AXIN1: variants seen among roughly 807,000 people sequenced by gnomAD.
AXIN1 encodes the protein axin-1.
AXIN1 carries 30 observed loss-of-function variants against 76.4 expected under a neutral mutation model. The ratio of observed to expected loss-of-function variants is 0.39; its 90% CI spans 0.29 to 0.53. The LOEUF is 0.53. Among genes scored for constraint, AXIN1 ranks in the 20% least tolerant of loss-of-function variants. The pLI, the probability that AXIN1 is intolerant of heterozygous loss-of-function variation, is 0.66. For missense variants in AXIN1, 1,140 were observed against 1,198.8 expected (o/e 0.95, Z 0.72); for synonymous variants, 545 against 501.4 (o/e 1.09, Z -1.16).
At position 347,056 on chromosome 16, in the gene AXIN1, G is replaced by A. The variant is rs2054049094; in HGVS notation, c.-31C>T. ...GACTCTGCGTCAAGGAACAATGAGC[G>A]CTGCACCCTAATACATCAGTACTTA... On this transcript the variant is annotated 5_prime_UTR_variant, in exon 2 of 11. Coordinates refer to ENST00000262320, the MANE Select transcript of AXIN1 (RefSeq NM_003502.4). The A allele has an allele frequency of 2.5e-6, 4 of 1,613,578 alleles. No individual in the cohort carries two copies. Among genetic ancestry groups the A allele is most frequent in the Non-Finnish European group, 1.7e-6 (2 of 1,180,024 alleles).
At chr16:304,167 G>C in intron 5 of AXIN1, 137 bp downstream of exon 5, 2 of 1,424,658 alleles carry the variant, frequency 1.4e-6, no homozygotes, top group Non-Finnish European at 1.9e-6. Flanking sequence ...GGGAACAGGG[G>C]ACTCAGCCGG....
chr16:291,856 G>A lies in AXIN1; in HGVS notation c.2187-559C>T, dbSNP rs138528883. On this transcript the variant is annotated intron_variant, in intron 8 of 10. Coordinates refer to ENST00000262320, the MANE Select transcript of AXIN1 (RefSeq NM_003502.4). ...TACTCTGACATCCTGACAGGGCCCA[G>A]CACCCAACCTGCCTCTGGGCCTTCA... 100 of 177,570 alleles carry A rather than the reference G, an allele frequency of 5.6e-4. 2 individuals are homozygous for A. The East Asian group carries it at 0.014, about 26-fold the overall frequency. 11.0% of individuals were successfully genotyped at this position (177,570 alleles called of 1,614,324 possible). A position where few individuals can be genotyped will look rare whatever the true frequency, so the allele number is the denominator to read the frequency against.
chr16:340,461 C>T (rs1223469624), intron 2 of AXIN1, among the ~76,000 whole-genome samples: 1 of 152,238 alleles, frequency 6.6e-6, no homozygotes, highest in Non-Finnish European at 1.5e-5. Context: ...CTGGCAGGGG[C>T]ATGCAAGGCC....
At chr16:302,760 G>A (rs1024356398) in intron 5 of AXIN1, among the ~76,000 whole-genome samples, 1 of 152,226 alleles carries the variant, frequency 6.6e-6, no homozygotes, top group East Asian at 1.9e-4. Flanking sequence ...GAAACGCTCA[G>A]AAGTGTATAC....
rs1214469034 is a variant in AXIN1 at position 326,366 on chromosome 16, AAAAAAAAT to A, written c.879-11691_879-11684del. ...CAAAACTCCGTCTCAAAAAAAAAAA[AAAAAAAAT>A]ATATATATATATATATATATACACA... On this transcript the variant is annotated intron_variant, in intron 2 of 10. Transcript: ENST00000262320. Among the ~76,000 whole-genome samples, 320 of 92,620 alleles carry A rather than the reference AAAAAAAAT, an allele frequency of 3.5e-3. 1 individual carries two copies. The highest frequency in any genetic ancestry group is 0.018 in the African/African-American group (302 of 17,192). The allele number at this position is 92,620 out of a possible 152,430, so 60.8% of individuals were successfully genotyped here.
intron 1 of AXIN1, among the ~76,000 whole-genome samples, chr16:349,692 GAA>G (rs1465139915): frequency 1.3e-5 from 2 of 152,222 alleles, no homozygotes; most frequent in African/African-American, 4.8e-5. Flanking sequence ...ATGTAAAAAA[GAA>G]AAGACATTTG....
intron 2 of AXIN1, among the ~76,000 whole-genome samples, chr16:323,791 C>A (rs985032194): frequency 1.3e-5 from 2 of 151,794 alleles, no homozygotes; most frequent in Non-Finnish European, 2.9e-5. Flanking sequence ...CACACACACA[C>A]ACACACACAC....
chr16:289,651 G>A (rs2141469590), intron 9 of AXIN1, 44 bp from the exon 10 acceptor site: 1 of 1,607,122 alleles, frequency 6.2e-7, no homozygotes, highest in Non-Finnish European at 8.5e-7. Flanking sequence ...TTGGACTGAG[G>A]TCCCACAGGG....
At chr16:345,490 A>C (rs1375490708) in intron 2 of AXIN1, among the ~76,000 whole-genome samples, 1 of 152,232 alleles carries the variant, frequency 6.6e-6, no homozygotes, top group East Asian at 1.9e-4. Flanking sequence ...CGAGGCAGGC[A>C]GATCACCTGA....
rs770999059 is a variant in AXIN1 at position 346,575 on chromosome 16, C to T, written c.451G>A (p.Asp151Asn). ...ARAIYRKYIL[D>N]NNGIVSRQTK... Reference sequence around the variant, plus strand: ...TGCCGGGACACGATGCCATTGTTATCAAGAATGTACTTTCGGTAGATGGCT... The same window carrying T: ...TGCCGGGACACGATGCCATTGTTATTAAGAATGTACTTTCGGTAGATGGCT... The change falls in exon 2 of 11, where the codon GAT becomes AAT. Residue 151 changes from aspartate (D) to asparagine (N), a missense_variant. Asp to Asn is a conservative substitution (Grantham distance 23). Transcript: ENST00000262320. The T allele has an allele frequency of 1.7e-5, 28 of 1,611,720 alleles. No individual in the cohort carries two copies. The highest frequency in any genetic ancestry group is 2.1e-5 in the Non-Finnish European group (25 of 1,178,410).
intron 2 of AXIN1, among the ~76,000 whole-genome samples, chr16:331,922 T>G (rs2053698216): frequency 6.6e-6 from 1 of 152,200 alleles, no homozygotes; most frequent in Non-Finnish European, 1.5e-5. Context: ...TCAAAAGCGC[T>G]GTTTCCAGGC....
intron 2 of AXIN1, among the ~76,000 whole-genome samples, chr16:334,346 G>A (rs1439037363): frequency 3.6e-5 from 5 of 140,476 alleles, no homozygotes; most frequent in South Asian, 4.7e-4. Context: ...ACAGCACCCA[G>A]TACCACAACA....
chr16:339,096 G>C (rs1230125201), intron 2 of AXIN1, among the ~76,000 whole-genome samples: 2 of 151,122 alleles, frequency 1.3e-5, no homozygotes, highest in African/African-American at 4.9e-5. Flanking sequence ...TTTCCCTTTG[G>C]GCAGGGTGTG....
At position 346,624 on chromosome 16, in the gene AXIN1, C is replaced by T; in HGVS notation, c.402G>A (p.Glu134=). 6.3e-7 allele frequency: 1 copy of T among 1,591,636 alleles called. No homozygotes were observed. Among genetic ancestry groups the T allele is most frequent in the East Asian group, 2.2e-5 (1 of 44,626 alleles). The change falls in exon 2 of 11, where the codon GAG becomes GAA. Residue 134 remains glutamate, a synonymous_variant. Transcript: ENST00000262320. ...FRKLEPCDSN[E]EKRLKLARAI... Reference sequence around the variant, plus strand: ...CTCTCGCCAGCTTCAGCCTCTTCTCCTCGTTCGAGTCACAGGGCTCCAGCT... The same window carrying T: ...CTCTCGCCAGCTTCAGCCTCTTCTCTTCGTTCGAGTCACAGGGCTCCAGCT...
chr16:351,574 C>G (rs1363371789), intron 1 of AXIN1, among the ~76,000 whole-genome samples: 1 of 151,814 alleles, frequency 6.6e-6, no homozygotes, highest in African/African-American at 2.4e-5. Context: ...AGCGCCACTG[C>G]ACTCCAGCCT....
At chr16:316,665 C>T (rs549949478) in intron 2 of AXIN1, among the ~76,000 whole-genome samples, 26 of 152,018 alleles carry the variant, frequency 1.7e-4, no homozygotes, top group Non-Finnish European at 3.1e-4. Context: ...CCCTGACAGT[C>T]GTCAGCCTCA....
chr16:308,813 A>C (rs1180286294), intron 4 of AXIN1, among the ~76,000 whole-genome samples: 2 of 152,234 alleles, frequency 1.3e-5, no homozygotes, highest in African/African-American at 4.8e-5. Context: ...ATCAGTGCCT[A>C]GTTTTAGCCA....
chr16:350,417 A>C (rs908736927), intron 1 of AXIN1, among the ~76,000 whole-genome samples: 5 of 152,258 alleles, frequency 3.3e-5, no homozygotes, highest in African/African-American at 9.6e-5. Context: ...AAGTGAGTCC[A>C]TAAAACGGGC....
At chr16:314,718 C>A (rs937222316) in intron 2 of AXIN1, 35 bp from the exon 3 acceptor site, 1 of 1,611,602 alleles carries the variant, frequency 6.2e-7, no homozygotes, top group East Asian at 2.2e-5. Flanking sequence ...TTAGTGACAG[C>A]CTGCCAACAG....
Sources: allele counts gnomAD v4.1 joint callset (sites outside exome capture counted in the v4.1 genomes callset), GRCh38; gene constraint gnomAD v4.1.1; transcripts MANE v1.5; gene names NCBI Gene and HGNC (gene_info 2026-07-23, HGNC 2026-07-21).